ZNF385D: variants seen among roughly 807,000 people sequenced by gnomAD.
ZNF385D encodes the protein zinc finger protein 385D.
In ZNF385D, 15 loss-of-function variants were observed where a neutral mutation model predicts 35.8. That is an observed-to-expected ratio of 0.42 (90% confidence interval 0.28 to 0.64). The LOEUF is 0.64. Among genes scored for constraint, ZNF385D ranks in the 30% least tolerant of loss-of-function variants. ZNF385D has a pLI of 0.23. For synonymous variants in ZNF385D, 212 were observed against 186.8 expected, an observed-to-expected ratio of 1.13 and a Z score of -1.10; for missense variants, 474 against 494.6, an observed-to-expected ratio of 0.96 and a Z score of 0.39.
At chr3:21,982,331 T>C (rs1413464013) in intron 3 of ZNF385D, among the ~76,000 whole-genome samples, 1 of 152,126 alleles carries the variant, frequency 6.6e-6, no homozygotes, top group African/African-American at 2.4e-5. Flanking sequence ...AGGTATTTTA[T>C]TCTTTTATGG....
At chr3:21,648,838 A>G (rs1349484049) in intron 2 of ZNF385D, among the ~76,000 whole-genome samples, 1 of 152,190 alleles carries the variant, frequency 6.6e-6, no homozygotes, top group Non-Finnish European at 1.5e-5. Context: ...ACGGAGTGAT[A>G]TTTCATTTAG....
At position 21,976,972 on chromosome 3, in the gene ZNF385D, A is replaced by C. The variant is rs369428774; in HGVS notation, c.325+191845T>G. 3.3e-5 allele frequency among the ~76,000 whole-genome samples: 5 copies of C among 152,104 alleles called. No homozygotes were observed. The East Asian group carries it at 9.6e-4, about 29-fold the overall frequency. On this transcript the variant is annotated intron_variant, in intron 3 of 5. Coordinates refer to the ZNF385D transcript ENST00000494108. ...CACTGCACGTCAGCCTGGGCCACAG[A>C]GCAAGACTCCATCTCAGGAAAATAA...
At chr3:21,586,678 G>A (rs1418049168) in intron 2 of ZNF385D, among the ~76,000 whole-genome samples, 1 of 152,192 alleles carries the variant, frequency 6.6e-6, no homozygotes, top group Non-Finnish European at 1.5e-5. Flanking sequence ...CGGGAAGGAT[G>A]CTGTCTACAT....
chr3:22,190,410 G>C (rs1339962727), intron 2 of ZNF385D, among the ~76,000 whole-genome samples: 1 of 152,164 alleles, frequency 6.6e-6, no homozygotes, highest in African/African-American at 2.4e-5. Context: ...TCATGTATTA[G>C]TAACCTTAAT....
chr3:21,554,538 T>G (rs2062668911), intron 3 of ZNF385D, among the ~76,000 whole-genome samples: 1 of 152,196 alleles, frequency 6.6e-6, no homozygotes. Flanking sequence ...AGACACTAAC[T>G]TCATTAGCTC....
At chr3:22,041,721 G>A (rs1177007086) in intron 3 of ZNF385D, among the ~76,000 whole-genome samples, 2 of 151,990 alleles carry the variant, frequency 1.3e-5, no homozygotes, top group African/African-American at 4.8e-5. Context: ...TATTGTTTTA[G>A]GTGCTAGAAA....
intron 2 of ZNF385D, among the ~76,000 whole-genome samples, chr3:21,641,296 G>T (rs561955447): frequency 6.6e-6 from 1 of 151,706 alleles, no homozygotes; most frequent in South Asian, 2.1e-4. Context: ...TTTAATATGA[G>T]GAATGAAGTA....
chr3:21,916,444 T>A (rs745818727), intron 3 of ZNF385D, among the ~76,000 whole-genome samples: 1 of 152,206 alleles, frequency 6.6e-6, no homozygotes, highest in Non-Finnish European at 1.5e-5. Flanking sequence ...GTCTAAAATA[T>A]AATCTGCACC....
intron 3 of ZNF385D, among the ~76,000 whole-genome samples, chr3:21,785,909 T>G (rs1486656249): frequency 6.6e-6 from 1 of 152,204 alleles, no homozygotes. Context: ...ACTCAATACT[T>G]CATTTCCATA....
chr3:21,433,714 T>C (rs950752670), intron 5 of ZNF385D, among the ~76,000 whole-genome samples: 1 of 152,202 alleles, frequency 6.6e-6, no homozygotes, highest in African/African-American at 2.4e-5. Flanking sequence ...AACTACTTTC[T>C]ACCAGCACTA....
chr3:22,289,577 A>C (rs1045320212), intron 2 of ZNF385D, among the ~76,000 whole-genome samples: 7 of 152,178 alleles, frequency 4.6e-5, no homozygotes, highest in Admixed American at 3.3e-4. Flanking sequence ...AAAAACTGGG[A>C]AATGTGCATT....
At chr3:22,307,436 G>A (rs1575085835) in intron 2 of ZNF385D, among the ~76,000 whole-genome samples, 1 of 152,092 alleles carries the variant, frequency 6.6e-6, no homozygotes, top group Admixed American at 6.6e-5. Context: ...GATAGCAGTG[G>A]TTTAAAGTTA....
intron 2 of ZNF385D, among the ~76,000 whole-genome samples, chr3:22,325,872 T>G (rs1415426310): frequency 6.6e-6 from 1 of 152,168 alleles, no homozygotes; most frequent in East Asian, 1.9e-4. Flanking sequence ...TAACTACAAA[T>G]GTCTTAAGAG....
In ZNF385D at chr3:21,621,539, TA is replaced by T. The variant is rs780567350; in HGVS notation, c.165+43346del. On this transcript the variant is annotated intron_variant, in intron 2 of 7. Coordinates refer to ENST00000281523, the MANE Select transcript of ZNF385D (RefSeq NM_024697.3). ...ACTGCCAATTTGCTGTGTCATCAGT[TA>T]AAAAAAAAATTCCCGTGTGTGTGTG... Among the ~76,000 whole-genome samples, 64 of 133,344 alleles carry T rather than the reference TA, an allele frequency of 4.8e-4. 1 individual carries two copies. Among genetic ancestry groups the T allele is most frequent in the South Asian group, 1.2e-3 (5 of 4,072 alleles). The allele number at this position is 133,344 out of a possible 152,430, so 87.5% of individuals were successfully genotyped here.
intron 1 of ZNF385D, among the ~76,000 whole-genome samples, chr3:21,728,693 C>T (rs1022449957): frequency 6.6e-6 from 1 of 152,130 alleles, no homozygotes; most frequent in Non-Finnish European, 1.5e-5. Flanking sequence ...TCAGGAGCTT[C>T]CCCAATGTAC....
Position 21,437,211 on chromosome 3 carries a change from C to G in ZNF385D, c.440-8G>C, listed in dbSNP as rs762763603. Reference sequence around the variant, plus strand: ...GTGTCCCTGCAGTACCGTCTGTATTCAAAATAACACAGAAAAAAGGGGGAA... The same window carrying G: ...GTGTCCCTGCAGTACCGTCTGTATTGAAAATAACACAGAAAAAAGGGGGAA... On this transcript the variant is annotated splice_polypyrimidine_tract_variant and splice_region_variant and intron_variant, in intron 4 of 7. Transcript: ENST00000281523. 1 of 1,601,676 alleles carries G rather than the reference C, an allele frequency of 6.2e-7. No homozygotes were observed. The highest frequency in any genetic ancestry group is 1.1e-5 in the South Asian group (1 of 89,594).
At chr3:21,668,853 A>G (rs2066481001) in intron 1 of ZNF385D, among the ~76,000 whole-genome samples, 1 of 152,208 alleles carries the variant, frequency 6.6e-6, no homozygotes, top group Non-Finnish European at 1.5e-5. Context: ...AATAGAAACT[A>G]TTGCATCTAA....
intron 2 of ZNF385D, among the ~76,000 whole-genome samples, chr3:22,363,001 G>A (rs1284569761): frequency 6.6e-6 from 1 of 152,106 alleles, no homozygotes; most frequent in Non-Finnish European, 1.5e-5. Flanking sequence ...TGTTCTACGA[G>A]ATCAGCAAAG....
chr3:21,961,655 C>T (rs1373772242), intron 3 of ZNF385D: 1 of 152,010 alleles, frequency 6.6e-6, no homozygotes, highest in Non-Finnish European at 1.5e-5. Context: ...TGTTACATTT[C>T]AATTGTTGAA....
Sources: allele counts gnomAD v4.1 joint callset (sites outside exome capture counted in the v4.1 genomes callset), GRCh38; gene constraint gnomAD v4.1.1; transcripts MANE v1.5; gene names NCBI Gene and HGNC (gene_info 2026-07-23, HGNC 2026-07-21).